Variants in RORA observed in about 807,000 individuals in gnomAD.
RORA encodes the protein RAR related orphan receptor A.
RORA carries 7 observed loss-of-function variants against 69.5 expected under a neutral mutation model. That is an observed-to-expected ratio of 0.10 (90% CI 0.06 to 0.19). The LOEUF is 0.19. RORA is among the 10% of genes least tolerant of loss of function. The pLI, the probability that RORA is intolerant of heterozygous loss-of-function variation, is 1.00. For missense variants in RORA, 457 were observed against 663.0 expected (o/e 0.69, Z 3.41); for synonymous variants, 261 against 240.8 (o/e 1.08, Z -0.78).
chr15:60,966,294 T>C (rs1893552973), intron 1 of RORA, among the ~76,000 whole-genome samples: 1 of 152,186 alleles, frequency 6.6e-6, no homozygotes, highest in Admixed American at 6.5e-5. Context: ...GTATGGGGAT[T>C]AGGACTTCAA....
At chr15:60,611,260 A>G (rs928292214) in intron 2 of RORA, among the ~76,000 whole-genome samples, 4 of 152,136 alleles carry the variant, frequency 2.6e-5, no homozygotes, top group Non-Finnish European at 1.5e-5. Flanking sequence ...GGGAATCTCC[A>G]TAGCAGGAGT....
At chr15:60,663,599 GCATACGC>G (rs761593322) in intron 2 of RORA, among the ~76,000 whole-genome samples, 6 of 152,158 alleles carry the variant, frequency 3.9e-5, no homozygotes, top group Non-Finnish European at 8.8e-5. Flanking sequence ...GGGATCACAG[GCATACGC>G]CACCATACCC....
chr15:60,798,221 GACACACAC>G (rs34480684), intron 1 of RORA, among the ~76,000 whole-genome samples: 2,206 of 145,776 alleles, frequency 0.015, 47 homozygotes, highest in African/African-American at 0.049. Flanking sequence ...TTCCCCAACA[GACACACAC>G]ACACACACAC....
At chr15:61,013,491 G>C (rs4319705) in intron 1 of RORA, among the ~76,000 whole-genome samples, 144,554 of 152,320 alleles carry the variant, frequency 0.95, 69,091 homozygotes, top group Middle Eastern at 1. Context: ...TGTAAAATGT[G>C]AATCTTTATT....
At chr15:60,864,941 G>T (rs1257205301) in intron 1 of RORA, among the ~76,000 whole-genome samples, 1 of 152,190 alleles carries the variant, frequency 6.6e-6, no homozygotes, top group Non-Finnish European at 1.5e-5. Flanking sequence ...TAGTATTGTG[G>T]AGACTTTGTT....
At chr15:61,193,559 T>C (rs1271036291) in intron 1 of RORA, among the ~76,000 whole-genome samples, 1 of 152,208 alleles carries the variant, frequency 6.6e-6, no homozygotes, top group African/African-American at 2.4e-5. Flanking sequence ...CCTTAAACTT[T>C]CTAGTTATAT....
intron 1 of RORA, among the ~76,000 whole-genome samples, chr15:60,904,838 A>G (rs1222917883): frequency 3.3e-5 from 5 of 152,204 alleles, no homozygotes; most frequent in African/African-American, 1.2e-4. Context: ...GAAACAATAA[A>G]GAAAAATAGG....
intron 5 of RORA, among the ~76,000 whole-genome samples, chr15:60,508,070 T>A (rs565399021): frequency 7.2e-5 from 11 of 152,350 alleles, no homozygotes; most frequent in African/African-American, 2.6e-4. Context: ...GTGTAAGATT[T>A]TAGACACTTT....
At chr15:60,684,857 C>A (rs2070716371) in intron 1 of RORA, among the ~76,000 whole-genome samples, 1 of 152,122 alleles carries the variant, frequency 6.6e-6, no homozygotes, top group African/African-American at 2.4e-5. Context: ...GATTTATTCT[C>A]CCTCCCTGCA....
At chr15:60,999,612 C>T (rs1275036338) in intron 1 of RORA, among the ~76,000 whole-genome samples, 1 of 152,190 alleles carries the variant, frequency 6.6e-6, no homozygotes, top group Non-Finnish European at 1.5e-5. Context: ...AAGCTCACCC[C>T]ACCTCTGCCC....
At chr15:61,014,905 AG>A (rs772301141) in intron 1 of RORA, among the ~76,000 whole-genome samples, 58 of 152,150 alleles carry the variant, frequency 3.8e-4, no homozygotes, top group Middle Eastern at 3.4e-3. Flanking sequence ...TGCCTTACCA[AG>A]GTTTGTTTTG....
chr15:60,636,286 G>T (rs2069838710), intron 2 of RORA, among the ~76,000 whole-genome samples: 1 of 152,150 alleles, frequency 6.6e-6, no homozygotes, highest in Admixed American at 6.5e-5. Flanking sequence ...AAAGAGGTAG[G>T]GATGTGATGC....
At chr15:61,174,808 C>G (rs1171725181) in intron 1 of RORA, among the ~76,000 whole-genome samples, 1 of 152,108 alleles carries the variant, frequency 6.6e-6, no homozygotes, top group Non-Finnish European at 1.5e-5. Flanking sequence ...TCACTATGTT[C>G]CAGAGACTAA....
chr15:61,159,238 C>T (rs12592385), intron 1 of RORA, among the ~76,000 whole-genome samples: 43,553 of 152,004 alleles, frequency 0.29, 6,661 homozygotes, highest in Middle Eastern at 0.35. Context: ...GAAGGAAATG[C>T]CACACCCCTT....
chr15:60,944,040 T>C lies in RORA; in HGVS notation c.167-265354A>G, dbSNP rs541683680. Among the ~76,000 whole-genome samples the C allele has an allele frequency of 3.3e-5, 5 of 151,566 alleles. No individual in the cohort carries two copies. The East Asian group carries it at 5.8e-4, about 18-fold the overall frequency. Reference sequence around the variant, plus strand: ...ACCATAAAATGGAGGCCTTTTGCCATAGTCAGTCAGTCGTCCATTATCATG... The same window carrying C: ...ACCATAAAATGGAGGCCTTTTGCCACAGTCAGTCAGTCGTCCATTATCATG... On this transcript the variant is annotated intron_variant, in intron 1 of 10. Transcript: ENST00000335670.
intron 1 of RORA, among the ~76,000 whole-genome samples, chr15:61,066,186 T>C (rs2078254897): frequency 6.6e-6 from 1 of 152,170 alleles, no homozygotes; most frequent in Non-Finnish European, 1.5e-5. Context: ...CATCAACTTT[T>C]AACAAACACA....
At chr15:60,674,269 C>T (rs1169569995) in intron 2 of RORA, among the ~76,000 whole-genome samples, 1 of 151,838 alleles carries the variant, frequency 6.6e-6, no homozygotes, top group Non-Finnish European at 1.5e-5. Flanking sequence ...TAAGAGTCTA[C>T]AATAAAAAAG....
intron 1 of RORA, among the ~76,000 whole-genome samples, chr15:60,815,233 A>G (rs1247045560): frequency 6.6e-6 from 1 of 151,938 alleles, no homozygotes; most frequent in Non-Finnish European, 1.5e-5. Context: ...ATTACTTGGA[A>G]TAATAATAAT....
At chr15:60,787,583 C>T (rs931979767) in intron 1 of RORA, among the ~76,000 whole-genome samples, 9 of 152,208 alleles carry the variant, frequency 5.9e-5, no homozygotes, top group African/African-American at 2.2e-4. Flanking sequence ...AATTCTGCAA[C>T]CCATACTGAG....
Sources: gnomAD v4.1 joint callset for allele counts (sites outside exome capture counted in the v4.1 genomes callset) on GRCh38, gnomAD v4.1.1 for gene constraint, MANE v1.5 for transcripts, NCBI Gene and HGNC (gene_info 2026-07-23, HGNC 2026-07-21) for gene names.